The following ULK4 variants were observed in gnomAD, a reference collection of about 807,000 sequenced individuals.
The protein encoded by ULK4 is unc-51 like kinase 4.
In ULK4, 133 loss-of-function variants were observed where a neutral mutation model predicts 160.6. That is an observed-to-expected ratio of 0.83 (90% CI 0.72 to 0.96). The LOEUF (loss-of-function observed/expected upper bound fraction) is 0.96, where lower values mean the gene tolerates loss of function less well. ULK4 is among the 40% of genes least tolerant of loss of function. ULK4 has a pLI of 0.00. For missense variants in ULK4, 1,580 were observed against 1,499.5 expected (o/e 1.05, Z -0.89); for synonymous variants, 534 against 539.8 (o/e 0.99, Z 0.15).
chr3:41,439,748 A>G (rs989349159), intron 34 of ULK4, among the ~76,000 whole-genome samples: 14 of 152,192 alleles, frequency 9.2e-5, no homozygotes, highest in African/African-American at 2.4e-4. Flanking sequence ...CTAGTTGATC[A>G]ATCTCTACAA....
chr3:41,809,147 C>A (rs922902230), intron 19 of ULK4, among the ~76,000 whole-genome samples: 5 of 134,890 alleles, frequency 3.7e-5, no homozygotes, highest in Admixed American at 2.5e-4. Flanking sequence ...GCCTGTGCAA[C>A]AGAGCAAGAC....
At chr3:41,581,914 G>A (rs1432423778) in intron 31 of ULK4, among the ~76,000 whole-genome samples, 5 of 152,196 alleles carry the variant, frequency 3.3e-5, no homozygotes, top group African/African-American at 1.2e-4. Flanking sequence ...TGAGACAAAG[G>A]TCTTGCGGTT....
At chr3:41,621,276 T>G (rs2033234176) in intron 30 of ULK4, among the ~76,000 whole-genome samples, 1 of 152,130 alleles carries the variant, frequency 6.6e-6, no homozygotes, top group African/African-American at 2.4e-5. Flanking sequence ...TTAAATGTCA[T>G]ATGGAACCAA....
At chr3:41,410,518 G>A (rs572422103) in intron 34 of ULK4, among the ~76,000 whole-genome samples, 21 of 152,262 alleles carry the variant, frequency 1.4e-4, no homozygotes, top group Admixed American at 3.9e-4. Flanking sequence ...GTAGAGGGGA[G>A]GGAATGGGGA....
intron 35 of ULK4, among the ~76,000 whole-genome samples, chr3:41,367,779 G>C (rs2125779341): frequency 6.6e-6 from 1 of 152,116 alleles, no homozygotes; most frequent in East Asian, 1.9e-4. Context: ...GGAATTTTGT[G>C]GGAGCCAGCA....
At chr3:41,687,803 C>G (rs2036148687) in intron 27 of ULK4, 1 of 152,242 alleles carries the variant, frequency 6.6e-6, no homozygotes, top group Non-Finnish European at 1.5e-5. Context: ...CCAAACACCC[C>G]TGAAGGCTAT....
intron 21 of ULK4, among the ~76,000 whole-genome samples, chr3:41,756,174 T>G (rs1044135917): frequency 2.6e-5 from 4 of 152,198 alleles, no homozygotes; most frequent in African/African-American, 9.7e-5. Flanking sequence ...TCCTTGACCC[T>G]TCTTTCCTTT....
At chr3:41,871,531 C>T (rs895351043) in intron 17 of ULK4, among the ~76,000 whole-genome samples, 1 of 152,192 alleles carries the variant, frequency 6.6e-6, no homozygotes, top group Non-Finnish European at 1.5e-5. Context: ...CTTGGTGCTG[C>T]CACTATTATA....
At position 41,463,002 on chromosome 3, in the gene ULK4, T is replaced by C. The variant is rs1447707800; in HGVS notation, c.3393+85A>G. 13 of 1,455,508 alleles carry C rather than the reference T, an allele frequency of 8.9e-6. 1 individual carries two copies. In the South Asian group the frequency reaches 1.5e-4, roughly 16 times the overall value. 90.2% of individuals were successfully genotyped at this position (1,455,508 alleles called of 1,614,324 possible). ...TTCTTTTAAATAAGTAAAGACACAA[T>C]AGAGGAAGATAAGAAAGAAGAGAAT... is the stretch of plus-strand genomic sequence containing the variant. On this transcript the variant is annotated intron_variant, in intron 33 of 36. Coordinates refer to ENST00000301831, the MANE Select transcript of ULK4 (RefSeq NM_017886.4).
At chr3:41,617,805 C>T (rs923663928) in intron 30 of ULK4, among the ~76,000 whole-genome samples, 1 of 152,072 alleles carries the variant, frequency 6.6e-6, no homozygotes, top group Admixed American at 6.5e-5. Context: ...CTTCAGAAGG[C>T]GGGTGATAAC....
chr3:41,380,983 C>T (rs765835578), intron 35 of ULK4, among the ~76,000 whole-genome samples: 8 of 152,250 alleles, frequency 5.3e-5, no homozygotes, highest in Non-Finnish European at 1.0e-4. Flanking sequence ...CTCACTGCTG[C>T]TTCCCGGCCA....
At chr3:41,918,387 C>T in intron 7 of ULK4, 70 bp downstream of exon 7, 3 of 1,006,694 alleles carry the variant, frequency 3.0e-6, no homozygotes, top group South Asian at 1.8e-5. Flanking sequence ...TAAAAGCAAA[C>T]GTTGGATAAA....
At chr3:41,344,278 C>G (rs757316019) in intron 35 of ULK4, among the ~76,000 whole-genome samples, 2 of 152,136 alleles carry the variant, frequency 1.3e-5, no homozygotes, top group Non-Finnish European at 2.9e-5. Flanking sequence ...GCTACATATA[C>G]AGAAAATTAA....
At chr3:41,672,111 C>T (rs554092813) in intron 29 of ULK4, among the ~76,000 whole-genome samples, 4 of 152,128 alleles carry the variant, frequency 2.6e-5, no homozygotes, top group African/African-American at 4.8e-5. Context: ...GGAATTCTTA[C>T]GCATTGTTGT....
intron 32 of ULK4, among the ~76,000 whole-genome samples, chr3:41,519,492 C>T (rs2085858071): frequency 6.6e-6 from 1 of 152,182 alleles, no homozygotes; most frequent in African/African-American, 2.4e-5. Context: ...CCTTCTTCCT[C>T]ATACAGAAGA....
chr3:41,929,145 G>A (rs1699490960), intron 5 of ULK4, among the ~76,000 whole-genome samples: 6 of 152,120 alleles, frequency 3.9e-5, no homozygotes, highest in Admixed American at 3.9e-4. Context: ...TATCCATCAT[G>A]ATCAAGTCAG....
chr3:41,471,652 A>G (rs2083994485), intron 32 of ULK4, among the ~76,000 whole-genome samples: 1 of 152,230 alleles, frequency 6.6e-6, no homozygotes, highest in South Asian at 2.1e-4. Context: ...AAATAATAAC[A>G]AGTACCTTTA....
intron 19 of ULK4, among the ~76,000 whole-genome samples, chr3:41,817,692 C>T (rs1303355029): frequency 6.6e-6 from 1 of 152,066 alleles, no homozygotes; most frequent in East Asian, 1.9e-4. Context: ...ACCTGGGTGA[C>T]AGGATCAGTC....
chr3:41,639,407 G>A (rs774919518), intron 30 of ULK4, among the ~76,000 whole-genome samples: 1 of 152,116 alleles, frequency 6.6e-6, no homozygotes, highest in Non-Finnish European at 1.5e-5. Flanking sequence ...AAAAAGAAAA[G>A]TTGTAAACTC....
Sources: allele counts gnomAD v4.1 joint callset (sites outside exome capture counted in the v4.1 genomes callset), GRCh38; gene constraint gnomAD v4.1.1; transcripts MANE v1.5; gene names NCBI Gene and HGNC (gene_info 2026-07-23, HGNC 2026-07-21).